The following RFTN2 variants were observed in gnomAD, a reference collection of about 807,000 sequenced individuals.
RFTN2 encodes the protein raftlin family member 2.
A neutral mutation model predicts 52.7 loss-of-function variants in RFTN2; 34 were observed. The observed-to-expected ratio is 0.64, with a 90% CI of 0.49 to 0.86. The LOEUF (loss-of-function observed/expected upper bound fraction) is 0.86. RFTN2 is among the 40% of genes least tolerant of loss of function. The probability of loss-of-function intolerance (pLI) is 0.00; values close to 1 mark genes in which losing one functional copy is unlikely to be tolerated. For missense variants in RFTN2, 536 were observed against 600.1 expected (o/e 0.89, Z 1.12); for synonymous variants, 203 against 217.7 (o/e 0.93, Z 0.59).
At chr2:197,659,360 A>G (rs191885440) in intron 1 of RFTN2, among the ~76,000 whole-genome samples, 27 of 151,572 alleles carry the variant, frequency 1.8e-4, no homozygotes, top group Admixed American at 4.6e-4. Context: ...TTAGCCCGGC[A>G]TGGTGGTACA....
rs2088460345 is a variant in RFTN2, at chr2:197,631,023, C to T, written c.916G>A (p.Glu306Lys). The change falls in exon 5 of 9, where the codon GAA becomes AAA. Residue 306 changes from glutamate to lysine, a missense_variant. Transcript: ENST00000295049. ...LSLIDSFVFW[E>K]TSKGEHLPKS... is the part of the protein sequence containing the mutation. Reference sequence around the variant, plus strand: ...ACATAAAACTTACCTTTAGATGTTTCCCAGAATACAAAAGAATCAATTAAA... The same window carrying T: ...ACATAAAACTTACCTTTAGATGTTTTCCAGAATACAAAAGAATCAATTAAA... The T allele has an allele frequency of 6.3e-7, 1 of 1,599,038 alleles. No individual in the cohort carries two copies. Among genetic ancestry groups the T allele is most frequent in the South Asian group, 1.1e-5 (1 of 90,352 alleles).
At chr2:197,662,724 C>T (rs78679734) in intron 1 of RFTN2, among the ~76,000 whole-genome samples, 202 of 152,198 alleles carry the variant, frequency 1.3e-3, no homozygotes, top group Non-Finnish European at 2.6e-3. Flanking sequence ...TCTTCCAATC[C>T]ATGAGCATGA....
chr2:197,590,344 G>C (rs1381292416), intron 8 of RFTN2, among the ~76,000 whole-genome samples: 1 of 152,098 alleles, frequency 6.6e-6, no homozygotes, highest in East Asian at 1.9e-4. Context: ...TAAATATTTT[G>C]AAATGACATT....
intron 5 of RFTN2, among the ~76,000 whole-genome samples, chr2:197,622,422 C>A (rs1320114404): frequency 1.3e-5 from 2 of 152,180 alleles, no homozygotes; most frequent in African/African-American, 4.8e-5. Flanking sequence ...TCTCCTGCCT[C>A]AGCCTTCCAA....
intron 1 of RFTN2, among the ~76,000 whole-genome samples, chr2:197,671,267 C>G (rs2089143851): frequency 6.6e-6 from 1 of 152,222 alleles, no homozygotes; most frequent in South Asian, 2.1e-4. Flanking sequence ...GTTCACCAGC[C>G]CTTGAACTTA....
chr2:197,577,540 C>T (rs1344634742), intron 8 of RFTN2, among the ~76,000 whole-genome samples: 1 of 152,222 alleles, frequency 6.6e-6, no homozygotes, highest in Non-Finnish European at 1.5e-5. Context: ...AGAATGGCAC[C>T]TTCTTCCCTG....
At chr2:197,585,900 C>A (rs2087588260) in intron 8 of RFTN2, among the ~76,000 whole-genome samples, 1 of 152,194 alleles carries the variant, frequency 6.6e-6, no homozygotes, top group Admixed American at 6.5e-5. Flanking sequence ...CTACTCCCCA[C>A]ATATTCGGAC....
chr2:197,615,398 T>TC (rs1418254071), intron 7 of RFTN2, among the ~76,000 whole-genome samples: 2 of 152,212 alleles, frequency 1.3e-5, no homozygotes, highest in East Asian at 3.8e-4. Flanking sequence ...GGTCTCTGTT[T>TC]CCCTCTCTCA....
chr2:197,605,896 C>T (rs985889297), intron 7 of RFTN2, among the ~76,000 whole-genome samples: 1 of 152,196 alleles, frequency 6.6e-6, no homozygotes, highest in African/African-American at 2.4e-5. Context: ...ACGGTGCCCC[C>T]TCAGACATCA....
chr2:197,642,686 A>G (rs986853952), intron 3 of RFTN2, among the ~76,000 whole-genome samples: 3 of 152,224 alleles, frequency 2.0e-5, no homozygotes, highest in Non-Finnish European at 4.4e-5. Flanking sequence ...GGATTAAAAA[A>G]TAAAATGGGA....
At chr2:197,625,431 T>C (rs933222529) in intron 5 of RFTN2, among the ~76,000 whole-genome samples, 2 of 152,154 alleles carry the variant, frequency 1.3e-5, no homozygotes, top group African/African-American at 2.4e-5. Flanking sequence ...GTTTTTTTGG[T>C]TCCCCTGTCA....
intron 8 of RFTN2, among the ~76,000 whole-genome samples, chr2:197,583,361 T>C (rs1337450565): frequency 6.6e-6 from 1 of 152,186 alleles, no homozygotes; most frequent in Non-Finnish European, 1.5e-5. Context: ...TCCCACAGGG[T>C]CTGAGAAGGC....
At chr2:197,631,294 T>C in intron 4 of RFTN2, 74 bp from the exon 5 acceptor site, 1 of 1,028,140 alleles carries the variant, frequency 9.7e-7, no homozygotes, top group Non-Finnish European at 1.5e-6. Flanking sequence ...TTTTCACTAA[T>C]CATGAGATAT....
intron 7 of RFTN2, among the ~76,000 whole-genome samples, chr2:197,599,542 G>C (rs370116201): frequency 6.6e-6 from 1 of 152,146 alleles, no homozygotes; most frequent in African/African-American, 2.4e-5. Context: ...TCAAAGGCTC[G>C]GTGGGTTGGA....
intron 1 of RFTN2, among the ~76,000 whole-genome samples, chr2:197,656,961 CTGGGCCCAGTGCTGCCATGTGGAATTG>C (rs1301690175): frequency 1.3e-5 from 2 of 152,172 alleles, no homozygotes; most frequent in Admixed American, 6.5e-5. Flanking sequence ...TGCACCATCC[CTGGGCCCAGTGCTGCCATGTGGAATTG>C]TGGGCCCAGG....
At chr2:197,633,564 G>C (rs911670376) in intron 4 of RFTN2, among the ~76,000 whole-genome samples, 154 bp downstream of exon 4, 1 of 152,098 alleles carries the variant, frequency 6.6e-6, no homozygotes, top group Non-Finnish European at 1.5e-5. Context: ...ATTGCTAGCT[G>C]TAATAACTTT....
chr2:197,650,755 G>T (rs139288606), intron 1 of RFTN2, among the ~76,000 whole-genome samples: 50 of 152,238 alleles, frequency 3.3e-4, no homozygotes, highest in African/African-American at 1.2e-3. Context: ...ATTAATATGG[G>T]TGTGTAAATA....
intron 1 of RFTN2, among the ~76,000 whole-genome samples, chr2:197,671,412 T>A (rs2089145459): frequency 6.6e-6 from 1 of 152,250 alleles, no homozygotes; most frequent in Non-Finnish European, 1.5e-5. Context: ...CACTATTTCC[T>A]CCACATGTAC....
chr2:197,630,905 G>A (rs1364351007), intron 5 of RFTN2, 106 bp downstream of exon 5: 9 of 750,826 alleles, frequency 1.2e-5, no homozygotes, highest in Middle Eastern at 3.7e-4. Flanking sequence ...CTTAGGAATG[G>A]TATCTGTCCT....
Sources: allele counts gnomAD v4.1 joint callset (sites outside exome capture counted in the v4.1 genomes callset), GRCh38; gene constraint gnomAD v4.1.1; transcripts MANE v1.5; gene names NCBI Gene and HGNC (gene_info 2026-07-23, HGNC 2026-07-21).